The following CXCR4 variants were observed in gnomAD, a reference collection of about 807,000 sequenced individuals.
The protein encoded by CXCR4 is C-X-C chemokine receptor type 4.
Under a neutral mutation model 22.4 loss-of-function variants are expected in CXCR4, and 6 were observed. The ratio of observed to expected loss-of-function variants is 0.27; its 90% confidence interval spans 0.15 to 0.53. The LOEUF (loss-of-function observed/expected upper bound fraction) is 0.53, where lower values mean the gene tolerates loss of function less well. CXCR4 is among the 20% of genes least tolerant of loss of function. CXCR4 has a pLI of 0.96. For synonymous variants in CXCR4, 155 were observed against 171.7 expected (o/e 0.90, Z 0.76); for missense variants, 300 against 430.4 (o/e 0.70, Z 2.68).
chr2:136,115,805 C>A lies in CXCR4; in HGVS notation c.123G>T (p.Leu41=), dbSNP rs1684871563. ...AGAAGATGATGGAGTAGATGGTGGG[C>A]AGGAAGATTTTATTGAAATTAGCAT... The part of the protein sequence containing the change: ...EENANFNKIF[L]PTIYSIIFLT... Residue 41 remains leucine, a synonymous_variant, in exon 2 of 2, where the codon CTG becomes CTT. Transcript: ENST00000241393. This position sits in a 1 kb window ranked among gnomAD's most constrained non-coding sequence, Gnocchi z 6.4. The A allele has an allele frequency of 6.2e-7, 1 of 1,614,134 alleles. No homozygotes were observed.
Position 136,115,949 on chromosome 2 carries a change from A to G in CXCR4, c.16-37T>C, listed in dbSNP as rs760471755. 9.9e-6 allele frequency: 16 copies of G among 1,614,064 alleles called. No homozygotes were observed. Among genetic ancestry groups the G allele is most frequent in the Non-Finnish European group, 1.4e-5 (16 of 1,180,024 alleles). On this transcript the variant is annotated intron_variant, in intron 1 of 1. Coordinates refer to ENST00000241393, the MANE Select transcript of CXCR4 (RefSeq NM_003467.3). The surrounding 1 kb of genome is among the most constrained non-coding windows in gnomAD (Gnocchi z 6.4). ...GCAAAGGAATGGACATTCACTTCCA[A>G]TTCAGCAAGCATTAACCCAGTTAAA... is the stretch of plus-strand genomic sequence containing the variant.
intron 1 of CXCR4, chr2:136,117,791 G>C (rs1324138938): frequency 2.0e-6 from 1 of 497,408 alleles, no homozygotes; most frequent in East Asian, 3.6e-5. Context: ...GGACTCAAGG[G>C]GGAGACACAT....
intron 1 of CXCR4, among the ~76,000 whole-genome samples, chr2:136,117,074 G>A (rs571977396): frequency 6.6e-6 from 1 of 152,354 alleles, no homozygotes; most frequent in Non-Finnish European, 1.5e-5. Context: ...ACCACCGACG[G>A]TTAAACATCA....
At chr2:136,117,833 C>A in intron 1 of CXCR4, 5 of 520,048 alleles carry the variant, frequency 9.6e-6, no homozygotes, top group Non-Finnish European at 1.0e-5. Flanking sequence ...CCAGTCGTTT[C>A]TCCTCGACTC....
chr2:136,116,351 A>G, intron 1 of CXCR4: 1 of 466,724 alleles, frequency 2.1e-6, no homozygotes, highest in Non-Finnish European at 2.9e-6. Context: ...TTTTGTAAGA[A>G]GTTTTTCGCC....
chr2:136,116,681 G>A (rs954653969), intron 1 of CXCR4, among the ~76,000 whole-genome samples: 1 of 152,182 alleles, frequency 6.6e-6, no homozygotes, highest in Non-Finnish European at 1.5e-5. Context: ...AGGGAGCGGG[G>A]CATTTTCCTG....
At chr2:136,117,993 C>CGGA in intron 1 of CXCR4, 53 bp downstream of exon 1, 1 of 1,598,628 alleles carries the variant, frequency 6.3e-7, no homozygotes, top group Non-Finnish European at 8.6e-7. Flanking sequence ...GGGCTGCGCT[C>CGGA]TAAGTTCAAA....
chr2:136,116,382 A>T, intron 1 of CXCR4: 2 of 206,388 alleles, frequency 9.7e-6, no homozygotes, highest in Non-Finnish European at 1.8e-5. Context: ...AGAGGGGAGA[A>T]GGGAGGATCA....
In CXCR4 at chr2:136,114,943, G is replaced by A. The variant is rs770009132; in HGVS notation, c.985C>T (p.Leu329Phe). ...SVSRGSSLKI[L>F]SKGKRGGHSS... ...TGTCCACCTCGCTTTCCTTTGGAGA[G>A]GATCTTGAGGCTGGACCCTCTGCTC... Residue 329 changes from leucine to phenylalanine, a missense_variant, in exon 2 of 2, where the codon CTC (leucine) becomes TTC (phenylalanine). By Grantham distance (22) the Leu-to-Phe change is conservative. Coordinates refer to ENST00000241393, the MANE Select transcript of CXCR4 (RefSeq NM_003467.3). The A allele has an allele frequency of 1.2e-6, 2 of 1,613,326 alleles. No individual in the cohort carries two copies. Among genetic ancestry groups the A allele is most frequent in the East Asian group, 2.2e-5 (1 of 44,880 alleles).
In CXCR4 at chr2:136,115,423, T is replaced by C. The variant is rs1275891527; in HGVS notation, c.505A>G (p.Ile169Val). ...GVWIPALLLT[I>V]PDFIFANVSE... The stretch of plus-strand genomic sequence containing the variant: ...ACGTTGGCAAAGATGAAGTCGGGAA[T>C]AGTCAGCAGGAGGGCAGGGATCCAG... Residue 169 changes from isoleucine to valine, a missense_variant, in exon 2 of 2, where the codon ATT becomes GTT. Around this residue, in one of 3 missense-constraint regions of CXCR4, gnomAD observed 137 missense variants for 153.2 expected, o/e 0.89. Transcript: ENST00000241393. This position sits in a 1 kb window ranked among gnomAD's most constrained non-coding sequence, Gnocchi z 6.4. 3 of 1,614,160 alleles carry C rather than the reference T, an allele frequency of 1.9e-6. No individual in the cohort carries two copies. The highest frequency in any genetic ancestry group is 2.5e-6 in the Non-Finnish European group (3 of 1,180,024).
intron 1 of CXCR4, among the ~76,000 whole-genome samples, chr2:136,117,282 C>T (rs1684924924): frequency 6.6e-6 from 1 of 152,162 alleles, no homozygotes; most frequent in African/African-American, 2.4e-5. Flanking sequence ...CTGACCTCTG[C>T]ACGACCCCAA....
rs1226136674 is a variant in CXCR4 at position 136,114,629 on chromosome 2, C to T, written c.*240G>A. The T allele has an allele frequency of 7.1e-6, 3 of 420,894 alleles. No individual in the cohort carries two copies. Among genetic ancestry groups the T allele is most frequent in the Non-Finnish European group, 8.5e-6 (2 of 234,466 alleles). 26.1% of individuals were successfully genotyped at this position (420,894 alleles called of 1,614,324 possible). On this transcript the variant is annotated 3_prime_UTR_variant, in exon 2 of 2. Coordinates refer to ENST00000241393, the MANE Select transcript of CXCR4 (RefSeq NM_003467.3). ...TTCAGTTCCCTTTTCTACAGTCCTA[C>T]CACGAGACATACAGCAACTAAGAAC... is the stretch of plus-strand genomic sequence containing the variant.
Position 136,118,067 on chromosome 2 carries a change from C to T in CXCR4, c.-7G>A. 3 of 1,613,816 alleles carry T rather than the reference C, an allele frequency of 1.9e-6. No homozygotes were observed. The highest frequency in any genetic ancestry group is 2.2e-5 in the South Asian group (2 of 91,038). ...TTACACTGATCCCCTCCATGGTAAC[C>T]GCTGGTTCTCCAGATGCGGTGGCTA... On this transcript the variant is annotated 5_prime_UTR_variant, in exon 1 of 2. Coordinates refer to ENST00000241393, the MANE Select transcript of CXCR4 (RefSeq NM_003467.3).
intron 1 of CXCR4, chr2:136,116,390 T>C: frequency 5.0e-6 from 1 of 201,528 alleles, no homozygotes. Context: ...GAAGGGAGGA[T>C]CACGGGGGGA....
At chr2:136,116,225 C>T (rs964701102) in intron 1 of CXCR4, 84 of 1,251,948 alleles carry the variant, frequency 6.7e-5, no homozygotes, top group Middle Eastern at 6.7e-4. Flanking sequence ...GCCCCGCCCA[C>T]TAGAGGGAAG....
intron 1 of CXCR4, chr2:136,116,166 G>T: frequency 7.2e-7 from 1 of 1,394,266 alleles, no homozygotes; most frequent in South Asian, 1.5e-5. Flanking sequence ...AGAACAAAAG[G>T]GCACTGAGAC....
In CXCR4 at chr2:136,115,314, A is replaced by G; in HGVS notation, c.614T>C (p.Met205Thr). 6.2e-7 allele frequency: 1 copy of G among 1,614,226 alleles called. No homozygotes were observed. The highest frequency in any genetic ancestry group is 8.5e-7 in the Non-Finnish European group (1 of 1,180,050). Residue 205 changes from methionine (M) to threonine (T), a missense_variant, in exon 2 of 2, where the codon ATG becomes ACG. This residue lies in a region of CXCR4 where 137 missense variants were observed against 153.2 expected (regional missense o/e 0.89). Coordinates refer to ENST00000241393, the MANE Select transcript of CXCR4 (RefSeq NM_003467.3). The surrounding 1 kb of genome is among the most constrained non-coding windows in gnomAD (Gnocchi z 6.4). The stretch of plus-strand genomic sequence containing the variant: ...AATACCAGGCAGGATAAGGCCAACC[A>G]TGATGTGCTGAAACTGGAACACAAC... The part of the protein sequence containing the change: ...WVVVFQFQHI[M>T]VGLILPGIVI...
Position 136,114,784 on chromosome 2 carries a change from A to C in CXCR4, c.*85T>G. 8.1e-7 allele frequency: 1 copy of C among 1,232,608 alleles called. No homozygotes were observed. Among genetic ancestry groups the C allele is most frequent in the Non-Finnish European group, 1.2e-6 (1 of 863,254 alleles). The allele number at this position is 1,232,608 out of a possible 1,614,324, so 76.4% of individuals were successfully genotyped here. A position where few individuals can be genotyped will look rare whatever the true frequency, so the allele number is the denominator to read the frequency against. On this transcript the variant is annotated 3_prime_UTR_variant, in exon 2 of 2. Coordinates refer to ENST00000241393, the MANE Select transcript of CXCR4 (RefSeq NM_003467.3). ...TCCAACAAGCAATAAAAACTGTACAATATTGGTCAGTCTTTTATATCTGAA... is the reference window on the plus strand; with the variant it reads ...TCCAACAAGCAATAAAAACTGTACACTATTGGTCAGTCTTTTATATCTGAA...
In CXCR4 at chr2:136,115,552, T is replaced by C; in HGVS notation, c.376A>G (p.Ile126Val). ...CGGTCCAGACTGATGAAGGCCAGGA[T>C]GAGGACACTGCTGTAGAGGTTGACT... The part of the protein sequence containing the change: ...YTVNLYSSVL[I>V]LAFISLDRYL... The change falls in exon 2 of 2, where the codon ATC (isoleucine) becomes GTC (valine). Residue 126 changes from isoleucine (I) to valine (V), a missense_variant. By Grantham distance (29) the Ile-to-Val change is conservative. This residue lies in a region of CXCR4 where 118 missense variants were observed against 188.2 expected (regional missense o/e 0.63). Transcript: ENST00000241393. The surrounding 1 kb of genome is among the most constrained non-coding windows in gnomAD (Gnocchi z 6.4). The C allele has an allele frequency of 6.2e-7, 1 of 1,614,134 alleles. No individual in the cohort carries two copies. Among genetic ancestry groups the C allele is most frequent in the Non-Finnish European group, 8.5e-7 (1 of 1,179,974 alleles).
Sources: gnomAD v4.1 joint callset for allele counts (sites outside exome capture counted in the v4.1 genomes callset) on GRCh38, gnomAD v4.1.1 for gene constraint, gnomAD v4.1.1 regional missense constraint, Gnocchi (gnomAD v3.1) non-coding constraint, MANE v1.5 for transcripts, NCBI Gene and HGNC (gene_info 2026-07-23, HGNC 2026-07-21) for gene names.